The following FRAS1 variants were observed in gnomAD, a reference collection of about 807,000 sequenced individuals.
FRAS1 encodes extracellular matrix organizing protein FRAS1.
FRAS1 carries 290 observed loss-of-function variants against 435.2 expected under a neutral mutation model. That is an observed-to-expected ratio of 0.67 (90% CI 0.61 to 0.73). The LOEUF is 0.73. FRAS1 is among the 30% of genes least tolerant of loss of function. The pLI is 0.00. For synonymous variants in FRAS1, 1,800 were observed against 1,851.0 expected (o/e 0.97, Z 0.71); for missense variants, 4,860 against 5,001.5 (o/e 0.97, Z 0.85).
At chr4:78,099,262 G>A (rs1741983746) in intron 2 of FRAS1, among the ~76,000 whole-genome samples, 1 of 152,128 alleles carries the variant, frequency 6.6e-6, no homozygotes, top group Admixed American at 6.5e-5. Flanking sequence ...TGCAGTACTT[G>A]AAGTGGATGA....
intron 60 of FRAS1, among the ~76,000 whole-genome samples, chr4:78,497,453 G>A (rs959519292): frequency 6.6e-6 from 1 of 151,908 alleles, no homozygotes; most frequent in African/African-American, 2.4e-5. Context: ...AGGCACCAGG[G>A]AAGACAAAAC....
intron 2 of FRAS1, among the ~76,000 whole-genome samples, chr4:78,124,394 T>C (rs1368114520): frequency 6.6e-6 from 1 of 152,224 alleles, no homozygotes; most frequent in African/African-American, 2.4e-5. Context: ...ATTGACAATT[T>C]TTGCATCGAT....
At chr4:78,361,535 G>A (rs1731073599) in intron 20 of FRAS1, among the ~76,000 whole-genome samples, 1 of 152,186 alleles carries the variant, frequency 6.6e-6, no homozygotes, top group Non-Finnish European at 1.5e-5. Context: ...TTCTGGGGTG[G>A]CTATGAAGGT....
In FRAS1 at chr4:78,543,197, A is replaced by T. The variant is rs990831525; in HGVS notation, c.*2073A>T. ...AGCCTCATGGACACCCAGAATTGGT[A>T]TCTCATGGCTGGAGAGCTGATCAGC... On this transcript the variant is annotated 3_prime_UTR_variant, in exon 74 of 74. Coordinates refer to ENST00000512123, the MANE Select transcript of FRAS1 (RefSeq NM_025074.7). 5.9e-5 allele frequency: 9 copies of T among 152,214 alleles called. No homozygotes were observed. Among genetic ancestry groups the T allele is most frequent in the African/African-American group, 2.2e-4 (9 of 41,452 alleles). 9.4% of individuals were successfully genotyped at this position (152,214 alleles called of 1,614,324 possible).
At chr4:78,276,817 G>T (rs1015943886) in intron 9 of FRAS1, among the ~76,000 whole-genome samples, 2 of 152,174 alleles carry the variant, frequency 1.3e-5, no homozygotes, top group African/African-American at 4.8e-5. Context: ...TTCTGTGCTT[G>T]GAGGACCACT....
chr4:78,118,213 G>A (rs933252138), intron 2 of FRAS1, among the ~76,000 whole-genome samples: 123 of 151,984 alleles, frequency 8.1e-4, no homozygotes, highest in African/African-American at 8.0e-4. Context: ...AGGAGTACCC[G>A]GCCATGTGAG....
chr4:78,111,798 A>G (rs948548749), intron 2 of FRAS1, among the ~76,000 whole-genome samples: 1 of 151,712 alleles, frequency 6.6e-6, no homozygotes, highest in Non-Finnish European at 1.5e-5. Flanking sequence ...CTGTTTTGCA[A>G]CAATGTAAAA....
chr4:78,470,457 G>T (rs997819933), intron 51 of FRAS1, among the ~76,000 whole-genome samples: 1 of 152,090 alleles, frequency 6.6e-6, no homozygotes, highest in African/African-American at 2.4e-5. Flanking sequence ...ATCACTAAGT[G>T]GTTGCTATTG....
intron 14 of FRAS1, among the ~76,000 whole-genome samples, chr4:78,304,009 T>C (rs12644070): frequency 0.051 from 7,687 of 151,888 alleles, 397 homozygotes; most frequent in East Asian, 0.3. Context: ...AGATAGCTCT[T>C]ATTATTTTGA....
chr4:78,218,295 A>T (rs1215739614), intron 2 of FRAS1, among the ~76,000 whole-genome samples: 2 of 151,510 alleles, frequency 1.3e-5, no homozygotes, highest in African/African-American at 4.9e-5. Flanking sequence ...AATACAGCAC[A>T]CTAGGCTACC....
chr4:78,366,662 T>G (rs1731281884), intron 22 of FRAS1, among the ~76,000 whole-genome samples: 1 of 152,194 alleles, frequency 6.6e-6, no homozygotes, highest in African/African-American at 2.4e-5. Context: ...ATGTGATGGT[T>G]ACAGCACATC....
At chr4:78,404,952 G>A (rs1164741575) in intron 30 of FRAS1, among the ~76,000 whole-genome samples, 1 of 152,190 alleles carries the variant, frequency 6.6e-6, no homozygotes, top group Non-Finnish European at 1.5e-5. Flanking sequence ...AAAACTAACA[G>A]TGACTCCCAG....
intron 69 of FRAS1, 136 bp downstream of exon 69, chr4:78,522,944 C>A: frequency 1.2e-6 from 1 of 855,662 alleles, no homozygotes; most frequent in Non-Finnish European, 1.7e-6. Flanking sequence ...TAACCCTCAG[C>A]TGGGAGTAGT....
Position 78,293,737 on chromosome 4 carries a change from C to T in FRAS1, c.1534+7198C>T, listed in dbSNP as rs567079619. ...GACAACAGTGTTCCAAGGCCCCTCT[C>T]TCTTTGGATATTATATTCATATGCA... On this transcript the variant is annotated intron_variant, in intron 14 of 73. Transcript: ENST00000512123. Among the ~76,000 whole-genome samples, 7 of 152,302 alleles carry T rather than the reference C, an allele frequency of 4.6e-5. No individual in the cohort carries two copies. In the South Asian group the frequency reaches 1.2e-3, roughly 27 times the overall value.
chr4:78,485,968 A>C (rs1720155988), intron 58 of FRAS1, among the ~76,000 whole-genome samples: 1 of 152,198 alleles, frequency 6.6e-6, no homozygotes, highest in South Asian at 2.1e-4. Context: ...ATCTTAAATC[A>C]TCTAAGCAGC....
intron 53 of FRAS1, 95 bp downstream of exon 53, chr4:78,473,692 C>G (rs1719779355): frequency 1.2e-6 from 1 of 849,182 alleles, no homozygotes; most frequent in Admixed American, 2.9e-5. Flanking sequence ...CTAGTCACCT[C>G]TTGATGGCGG....
intron 2 of FRAS1, among the ~76,000 whole-genome samples, chr4:78,235,350 A>T (rs1335475770): frequency 6.6e-6 from 1 of 152,216 alleles, no homozygotes; most frequent in Non-Finnish European, 1.5e-5. Context: ...CATTGCTAGC[A>T]TCCACCAGTT....
At chr4:78,338,019 C>G (rs2110266569) in intron 20 of FRAS1, 1 of 547,014 alleles carries the variant, frequency 1.8e-6, no homozygotes, top group Middle Eastern at 5.0e-4. Context: ...TCTAATAATA[C>G]TCTTGCAAAT....
intron 32 of FRAS1, among the ~76,000 whole-genome samples, chr4:78,413,995 CCA>C (rs1733456270): frequency 6.6e-6 from 1 of 152,058 alleles, no homozygotes; most frequent in South Asian, 2.1e-4. Context: ...TAGTTAGCAC[CCA>C]CACAATTACA....
Sources: allele counts gnomAD v4.1 joint callset (sites outside exome capture counted in the v4.1 genomes callset), GRCh38; gene constraint gnomAD v4.1.1; transcripts MANE v1.5; gene names NCBI Gene and HGNC (gene_info 2026-07-23, HGNC 2026-07-21).